The following SUGCT variants were observed in gnomAD, a reference collection of about 807,000 sequenced individuals.
SUGCT encodes succinyl-CoA:glutarate-CoA transferase.
SUGCT carries 41 observed loss-of-function variants against 55.0 expected under a neutral mutation model. The observed-to-expected ratio is 0.74, with a 90% CI of 0.58 to 0.97. The LOEUF (loss-of-function observed/expected upper bound fraction) is 0.97. SUGCT is among the 50% of genes least tolerant of loss of function. SUGCT has a pLI of 0.00. For synonymous variants in SUGCT, 187 were observed against 200.4 expected (o/e 0.93, Z 0.56); for missense variants, 568 against 547.8 (o/e 1.04, Z -0.37).
chr7:40,892,546 T>C, the SUGCT span, among the ~76,000 whole-genome samples: 3 of 152,180 alleles, frequency 2.0e-5, no homozygotes, highest in African/African-American at 7.2e-5. Flanking sequence ...ATTAAAGTTT[T>C]TTTTAGAGAG....
At chr7:40,310,730 A>C (rs1288645369) in intron 8 of SUGCT, among the ~76,000 whole-genome samples, 1 of 152,202 alleles carries the variant, frequency 6.6e-6, no homozygotes, top group East Asian at 1.9e-4. Flanking sequence ...TGTGTCATTT[A>C]AGTGCCTATT....
intron 12 of SUGCT, among the ~76,000 whole-genome samples, chr7:40,707,562 G>A (rs540332378): frequency 2.0e-5 from 3 of 152,186 alleles, no homozygotes; most frequent in African/African-American, 7.2e-5. Flanking sequence ...TGGTGAGATA[G>A]TACCTTTGGT....
intron 12 of SUGCT, among the ~76,000 whole-genome samples, chr7:40,619,424 C>T (rs1228709804): frequency 6.6e-6 from 1 of 152,098 alleles, no homozygotes; most frequent in Non-Finnish European, 1.5e-5. Flanking sequence ...AAATGGCATA[C>T]ATCTATTAAT....
Position 40,274,537 on chromosome 7 carries a change from G to A in SUGCT, c.601G>A (p.Val201Ile), listed in dbSNP as rs533811674. 10 of 1,613,248 alleles carry A rather than the reference G, an allele frequency of 6.2e-6. No individual in the cohort carries two copies. The East Asian group carries it at 2.2e-4, about 36-fold the overall frequency. ...GAATGGAGATCCAGTTCGCCCAGGA[G>A]TAGCTATGACTGATCTTGCCACTGG... ...PENGDPVRPG[V>I]AMTDLATGLY... Residue 201 changes from valine (V) to isoleucine (I), a missense_variant, in exon 8 of 14, where the codon GTA (valine) becomes ATA (isoleucine). Physicochemically the swap from Val to Ile is conservative, Grantham distance 29. Transcript: ENST00000335693.
intron 11 of SUGCT, among the ~76,000 whole-genome samples, chr7:40,476,933 G>A (rs1583782735): frequency 1.3e-5 from 2 of 152,008 alleles, no homozygotes; most frequent in East Asian, 1.9e-4. Flanking sequence ...AGTAGTCCCT[G>A]TACTTGGAGT....
intron 3 of SUGCT, 81 bp downstream of exon 3, chr7:40,182,109 G>A: frequency 1.3e-6 from 1 of 762,602 alleles, no homozygotes; most frequent in South Asian, 1.8e-5. Context: ...CATGTTTAGT[G>A]TACCTATAAG....
chr7:40,559,218 T>C (rs1275009512), intron 12 of SUGCT, among the ~76,000 whole-genome samples: 4 of 152,220 alleles, frequency 2.6e-5, no homozygotes, highest in Non-Finnish European at 5.9e-5. Flanking sequence ...TCCAGCCAGA[T>C]GCTCCATCTC....
At chr7:40,903,603 A>G in the SUGCT span, among the ~76,000 whole-genome samples, 1 of 152,172 alleles carries the variant, frequency 6.6e-6, no homozygotes, top group African/African-American at 2.4e-5. Flanking sequence ...CTCAGAATGA[A>G]CAACAACAAC....
At chr7:40,562,298 CAAA>C (rs113046606) in intron 12 of SUGCT, among the ~76,000 whole-genome samples, 6 of 92,016 alleles carry the variant, frequency 6.5e-5, no homozygotes, top group Admixed American at 1.2e-4. Context: ...GATTCCGTCT[CAAA>C]AAAAAAAAAA....
At chr7:40,339,738 G>T (rs1796942526) in intron 9 of SUGCT, among the ~76,000 whole-genome samples, 1 of 152,202 alleles carries the variant, frequency 6.6e-6, no homozygotes, top group South Asian at 2.1e-4. Context: ...CGCTGGGTGG[G>T]CTGCACCCAC....
chr7:40,586,243 A>T (rs1355523656), intron 12 of SUGCT, among the ~76,000 whole-genome samples: 3 of 152,324 alleles, frequency 2.0e-5, no homozygotes, highest in African/African-American at 7.2e-5. Flanking sequence ...CTTAAAATGG[A>T]AATCACTATG....
chr7:40,169,478 AC>A (rs1351282337), intron 1 of SUGCT, among the ~76,000 whole-genome samples: 1 of 152,138 alleles, frequency 6.6e-6, no homozygotes, highest in Non-Finnish European at 1.5e-5. Context: ...TGCCCTGGGC[AC>A]CCTCAGTCCT....
chr7:40,207,358 C>G (rs140474977), intron 6 of SUGCT, among the ~76,000 whole-genome samples: 1 of 152,088 alleles, frequency 6.6e-6, no homozygotes, highest in Non-Finnish European at 1.5e-5. Flanking sequence ...AAAACCACAA[C>G]GAGATACCTA....
At chr7:40,265,255 TAAAA>T (rs995062926) in intron 7 of SUGCT, among the ~76,000 whole-genome samples, 1 of 152,140 alleles carries the variant, frequency 6.6e-6, no homozygotes, top group Non-Finnish European at 1.5e-5. Context: ...GCCAACTACT[TAAAA>T]AAAGTTTTAA....
chr7:40,729,056 G>T (rs926449138), intron 12 of SUGCT, among the ~76,000 whole-genome samples: 1 of 152,170 alleles, frequency 6.6e-6, no homozygotes, highest in Non-Finnish European at 1.5e-5. Context: ...AGAGCCTACA[G>T]TCAGACACTA....
chr7:40,911,458 C>T, the SUGCT span, among the ~76,000 whole-genome samples: 2 of 151,312 alleles, frequency 1.3e-5, no homozygotes, highest in East Asian at 3.9e-4. Flanking sequence ...GTCCCAGTTA[C>T]TGGGGAGGCT....
chr7:40,532,941 A>ATTAAAAACTG (rs1311122499), intron 12 of SUGCT, among the ~76,000 whole-genome samples: 1 of 152,166 alleles, frequency 6.6e-6, no homozygotes, highest in Non-Finnish European at 1.5e-5. Flanking sequence ...TTTAATTTTT[A>ATTAAAAACTG]TTGAGTTGCT....
chr7:40,941,392 CT>C, the SUGCT span, among the ~76,000 whole-genome samples: 2 of 151,940 alleles, frequency 1.3e-5, no homozygotes, highest in Non-Finnish European at 2.9e-5. Flanking sequence ...CTTGAGGGTC[CT>C]TTTTGGAGTT....
intron 6 of SUGCT, among the ~76,000 whole-genome samples, chr7:40,225,016 C>A (rs1788250789): frequency 6.6e-6 from 1 of 152,208 alleles, no homozygotes. Flanking sequence ...CTTTCGGTAT[C>A]ACAGAGGCTG....
Sources: gnomAD v4.1 joint callset for allele counts (sites outside exome capture counted in the v4.1 genomes callset) on GRCh38, gnomAD v4.1.1 for gene constraint, MANE v1.5 for transcripts, NCBI Gene and HGNC (gene_info 2026-07-23, HGNC 2026-07-21) for gene names.